Variants in ASH2L observed in about 807,000 individuals in gnomAD.
ASH2L encodes ASH2 like, histone lysine methyltransferase complex subunit.
Under a neutral mutation model 81.1 loss-of-function variants are expected in ASH2L, and 30 were observed. That is an observed-to-expected ratio of 0.37 (90% confidence interval 0.28 to 0.50). The LOEUF is 0.50. ASH2L is among the 20% of genes least tolerant of loss of function. The pLI is 0.95. For synonymous variants in ASH2L, 273 were observed against 279.9 expected (o/e 0.98, Z 0.24); for missense variants, 559 against 792.1 (o/e 0.71, Z 3.53).
intron 10 of ASH2L, chr8:38,123,366 G>C (rs181486135): frequency 6.6e-6 from 1 of 152,344 alleles, no homozygotes; most frequent in Non-Finnish European, 1.5e-5. Flanking sequence ...TTACAGGCAT[G>C]AGCCACTGAA....
In ASH2L at chr8:38,105,548, G is replaced by C; in HGVS notation, c.-3G>C. The C allele has an allele frequency of 6.4e-7, 1 of 1,561,082 alleles. No individual in the cohort carries two copies. The highest frequency in any genetic ancestry group is 8.7e-7 in the Non-Finnish European group (1 of 1,152,004). ...TCTCGCGAGAAGTCCAGGGGTGGCC[G>C]TGATGGCGGCGGCAGGAGCAGGACC... is the stretch of plus-strand genomic sequence containing the variant. On this transcript the variant is annotated 5_prime_UTR_variant, in exon 1 of 16. Coordinates refer to ENST00000343823, the MANE Select transcript of ASH2L (RefSeq NM_004674.5).
Position 38,139,074 on chromosome 8 carries a change from A to G in ASH2L, c.*3A>G. On this transcript the variant is annotated 3_prime_UTR_variant, in exon 16 of 16. Transcript: ENST00000343823. ...GCAGTCCCCCATGGGAACCCTGACC[A>G]GGTCCCTCTTTTCTGTCAAGGACTT... 1 of 1,573,870 alleles carries G rather than the reference A, an allele frequency of 6.4e-7. No homozygotes were observed. The highest frequency in any genetic ancestry group is 1.3e-5 in the African/African-American group (1 of 74,446).
Position 38,105,554 on chromosome 8 carries a change from G to T in ASH2L, c.4G>T (p.Ala2Ser). The stretch of plus-strand genomic sequence containing the variant: ...GAGAAGTCCAGGGGTGGCCGTGATG[G>T]CGGCGGCAGGAGCAGGACCTGGCCA... M[A>S]AAGAGPGQEA... The change falls in exon 1 of 16, where the codon GCG becomes TCG. Residue 2 changes from alanine to serine, a missense_variant. Physicochemically the swap from Ala to Ser is moderately conservative, Grantham distance 99. Coordinates refer to ENST00000343823, the MANE Select transcript of ASH2L (RefSeq NM_004674.5). 6.4e-7 allele frequency: 1 copy of T among 1,565,416 alleles called. No homozygotes were observed.
At chr8:38,123,533 G>T (rs1297463265) in intron 10 of ASH2L, among the ~76,000 whole-genome samples, 11 of 152,158 alleles carry the variant, frequency 7.2e-5, no homozygotes, top group African/African-American at 2.7e-4. Context: ...CCTTTAGTGG[G>T]TCATGTCCAG....
chr8:38,106,515 T>A, intron 2 of ASH2L, 71 bp downstream of exon 2: 1 of 1,389,788 alleles, frequency 7.2e-7, no homozygotes, highest in East Asian at 2.4e-5. Flanking sequence ...TCTTTTTTTT[T>A]TTTTTTTGTT....
Position 38,105,588 on chromosome 8 carries a change from G to A in ASH2L, c.38G>A (p.Gly13Asp), listed in dbSNP as rs761078083. 1 of 1,592,078 alleles carries A rather than the reference G, an allele frequency of 6.3e-7. No individual in the cohort carries two copies. Among genetic ancestry groups the A allele is most frequent in the Non-Finnish European group, 8.6e-7 (1 of 1,168,626 alleles). ...AAGAGPGQEA[G>D]AGPGPGAVAN... ...GGAGCAGGACCTGGCCAGGAAGCGG[G>A]TGCCGGGCCTGGCCCAGGAGCGGTC... Residue 13 changes from glycine to aspartate, a missense_variant, in exon 1 of 16, where the codon GGT (glycine) becomes GAT (aspartate). By Grantham distance (94) the Gly-to-Asp change is moderately conservative (BLOSUM62 -1). Around this residue, in one of 4 missense-constraint regions of ASH2L, gnomAD observed 145 missense variants for 115.5 expected, o/e 1.26. Transcript: ENST00000343823.
In ASH2L at chr8:38,113,449, A is replaced by T. The variant is rs1454292890; in HGVS notation, c.586-743A>T. 2.6e-5 allele frequency among the ~76,000 whole-genome samples: 4 copies of T among 152,224 alleles called. No individual in the cohort carries two copies. In the South Asian group the frequency reaches 6.2e-4, roughly 24 times the overall value. On this transcript the variant is annotated intron_variant, in intron 5 of 15. Transcript: ENST00000343823. ...GTACTTTCCCTGGTTCCTTTCAGTA[A>T]AGATTTAGTTGTCATGGAGCTAACT...
chr8:38,123,600 ATTGT>A (rs1368907246), intron 10 of ASH2L, among the ~76,000 whole-genome samples: 4 of 151,834 alleles, frequency 2.6e-5, no homozygotes, highest in Non-Finnish European at 4.4e-5. Context: ...CCACATGTTG[ATTGT>A]TTGTGTGTAT....
rs111864953 is a variant in ASH2L at position 38,138,870 on chromosome 8, C to T, written c.1774C>T (p.Arg592Cys). The T allele has an allele frequency of 1.4e-3, 2,330 of 1,614,056 alleles. 31 individuals carry two copies. In the African/African-American group the frequency reaches 0.028, roughly 19 times the overall value. The part of the protein sequence containing the change: ...FKYPPKDLTY[R>C]PMSDMGWGAV... ...GTATCCTCCGAAGGATCTCACTTAC[C>T]GCCCTGTGAGTAACATTACAAATGG... The change falls in exon 15 of 16, where the codon CGC becomes TGC. Residue 592 changes from arginine to cysteine, a missense_variant. This residue lies in a region of ASH2L where 95 missense variants were observed against 130.7 expected (regional missense o/e 0.73). Transcript: ENST00000343823.
chr8:38,135,810 A>G (rs895494733), intron 14 of ASH2L, 44 bp downstream of exon 14: 4 of 1,450,686 alleles, frequency 2.8e-6, no homozygotes, highest in Non-Finnish European at 2.9e-6. Context: ...TGAGGGAAGC[A>G]GATGAATGGG....
At chr8:38,136,396 G>A (rs1268120050) in intron 14 of ASH2L, among the ~76,000 whole-genome samples, 1 of 142,772 alleles carries the variant, frequency 7.0e-6, no homozygotes, top group African/African-American at 2.6e-5. Flanking sequence ...TTTTAAATAT[G>A]ATCCAAACAT....
intron 10 of ASH2L, among the ~76,000 whole-genome samples, chr8:38,121,577 C>T (rs564623234): frequency 6.6e-6 from 1 of 151,920 alleles, no homozygotes; most frequent in Non-Finnish European, 1.5e-5. Context: ...CCAGTTTTTC[C>T]ACTCACACTT....
Position 38,139,167 on chromosome 8 carries a change from A to G in ASH2L, c.*96A>G. The G allele has an allele frequency of 1.0e-6, 1 of 976,542 alleles. No individual in the cohort carries two copies. The highest frequency in any genetic ancestry group is 1.5e-6 in the Non-Finnish European group (1 of 673,980). 60.5% of individuals were successfully genotyped at this position (976,542 alleles called of 1,614,324 possible). On this transcript the variant is annotated 3_prime_UTR_variant, in exon 16 of 16. Coordinates refer to ENST00000343823, the MANE Select transcript of ASH2L (RefSeq NM_004674.5). ...TCTCAAATGTTCTCCCAAAGATGCT[A>G]AAAACACAGCCTCTCCTTTTAGCAA... is the stretch of plus-strand genomic sequence containing the variant.
At chr8:38,130,375 G>A (rs933440595) in intron 12 of ASH2L, among the ~76,000 whole-genome samples, 4 of 149,870 alleles carry the variant, frequency 2.7e-5, no homozygotes, top group Admixed American at 6.7e-5. Flanking sequence ...CAAAGTGCTA[G>A]GATTACAGGC....
chr8:38,139,199 A>G lies in ASH2L; in HGVS notation c.*128A>G. The G allele has an allele frequency of 1.3e-6, 1 of 751,044 alleles. No individual in the cohort carries two copies. Among genetic ancestry groups the G allele is most frequent in the Non-Finnish European group, 2.1e-6 (1 of 472,330 alleles). The allele number at this position is 751,044 out of a possible 1,614,324, so 46.5% of individuals were successfully genotyped here. On this transcript the variant is annotated 3_prime_UTR_variant, in exon 16 of 16. Coordinates refer to ENST00000343823, the MANE Select transcript of ASH2L (RefSeq NM_004674.5). ...CAGCCTCTCCTTTTAGCAAGTTAAA[A>G]GGCTGGGTAGGACTGCGGGAGACTG...
At chr8:38,119,175 A>G in intron 8 of ASH2L, 95 bp from the exon 9 acceptor site, 1 of 1,106,786 alleles carries the variant, frequency 9.0e-7, no homozygotes, top group Non-Finnish European at 1.3e-6. Flanking sequence ...GTGTTACACA[A>G]ATGCACATTG....
intron 10 of ASH2L, 131 bp downstream of exon 10, chr8:38,121,280 A>G: frequency 3.2e-6 from 2 of 632,124 alleles, no homozygotes; most frequent in Non-Finnish European, 5.1e-6. Context: ...GTCTAGATTC[A>G]TCCAGAATGT....
upstream of ASH2L, chr8:38,105,520 T>C: frequency 6.6e-7 from 1 of 1,517,566 alleles, no homozygotes; most frequent in Non-Finnish European, 8.8e-7. Context: ...GAGAAGAGAG[T>C]ATTCTCGCGA....
In ASH2L at chr8:38,130,780, G is replaced by A. The variant is rs185403175; in HGVS notation, c.1527+1829G>A. Among the ~76,000 whole-genome samples the A allele has an allele frequency of 1.3e-4, 20 of 151,930 alleles. 3 individuals are homozygous for A. In the East Asian group the frequency reaches 3.9e-3, roughly 30 times the overall value. On this transcript the variant is annotated intron_variant, in intron 12 of 15. Transcript: ENST00000343823. ...CACCCAGCTAATTTTTGTATTTTTAGTGGAGACAGGGTTTCACCATGTTGG... is the reference window on the plus strand; with the variant it reads ...CACCCAGCTAATTTTTGTATTTTTAATGGAGACAGGGTTTCACCATGTTGG...
Sources: gnomAD v4.1 joint callset for allele counts (sites outside exome capture counted in the v4.1 genomes callset) on GRCh38, gnomAD v4.1.1 for gene constraint, gnomAD v4.1.1 regional missense constraint, MANE v1.5 for transcripts, NCBI Gene and HGNC (gene_info 2026-07-23, HGNC 2026-07-21) for gene names.